The following AK5 variants were observed in gnomAD, a reference collection of about 807,000 sequenced individuals.
AK5 encodes adenylate kinase isoenzyme 5.
A neutral mutation model predicts 69.5 loss-of-function variants in AK5; 27 were observed. That is an observed-to-expected ratio of 0.39 (90% CI 0.29 to 0.54). The LOEUF is 0.54. Ranked by LOEUF, AK5 falls within the 20% of genes least tolerant of loss-of-function variation. The pLI is 0.71. For missense variants in AK5, 531 were observed against 700.4 expected (o/e 0.76, Z 2.73); for synonymous variants, 260 against 244.4 (o/e 1.06, Z -0.60).
At chr1:77,459,860 T>G (rs1169456864) in intron 8 of AK5, among the ~76,000 whole-genome samples, 1 of 152,188 alleles carries the variant, frequency 6.6e-6, no homozygotes, top group Non-Finnish European at 1.5e-5. Context: ...TAGAAAATAG[T>G]TGCTTAACTG....
chr1:77,387,815 T>A (rs569771258), intron 6 of AK5, among the ~76,000 whole-genome samples: 7 of 152,240 alleles, frequency 4.6e-5, no homozygotes, highest in Non-Finnish European at 5.9e-5. Flanking sequence ...GGACTTGGTA[T>A]CTGATTAGTA....
At chr1:77,373,317 C>T (rs1191863559) in intron 6 of AK5, among the ~76,000 whole-genome samples, 1 of 152,174 alleles carries the variant, frequency 6.6e-6, no homozygotes, top group Non-Finnish European at 1.5e-5. Flanking sequence ...AATGCTCTAA[C>T]CGTAAATTCC....
chr1:77,487,024 T>C (rs1655648901), intron 10 of AK5, among the ~76,000 whole-genome samples: 1 of 152,226 alleles, frequency 6.6e-6, no homozygotes, highest in South Asian at 2.1e-4. Flanking sequence ...TGTTCAAATA[T>C]AGCTCAATAG....
In AK5 at chr1:77,446,967, G is replaced by T. The variant is rs564392378; in HGVS notation, c.1059+29252G>T. 7.9e-5 allele frequency among the ~76,000 whole-genome samples: 12 copies of T among 152,350 alleles called. No homozygotes were observed. In the East Asian group the frequency reaches 9.6e-4, roughly 12 times the overall value. Reference sequence around the variant, plus strand: ...CAGCTGGAGCCGGGAAGCTGGAATGGCCGGGTTTGCCTCCCGGCTCTGCAG... The same window carrying T: ...CAGCTGGAGCCGGGAAGCTGGAATGTCCGGGTTTGCCTCCCGGCTCTGCAG... On this transcript the variant is annotated intron_variant, in intron 8 of 13. Coordinates refer to ENST00000354567, the MANE Select transcript of AK5 (RefSeq NM_174858.3).
At chr1:77,289,517 T>C (rs1042501262) in intron 2 of AK5, among the ~76,000 whole-genome samples, 3 of 152,140 alleles carry the variant, frequency 2.0e-5, no homozygotes, top group Admixed American at 2.0e-4. Flanking sequence ...GTATACATTT[T>C]AAAAATTAAA....
Position 77,486,368 on chromosome 1 carries a change from T to C in AK5, c.1147+16T>C, listed in dbSNP as rs1173064153. 1.3e-6 allele frequency: 2 copies of C among 1,568,826 alleles called. No individual in the cohort carries two copies. The highest frequency in any genetic ancestry group is 1.7e-6 in the Non-Finnish European group (2 of 1,143,978). On this transcript the variant is annotated intron_variant, in intron 10 of 13. Coordinates refer to ENST00000354567, the MANE Select transcript of AK5 (RefSeq NM_174858.3). ...TTCATAATTGGTGAGTAACAGCCCT[T>C]GCATTTTCTAACAATACAATTGCTA... is the stretch of plus-strand genomic sequence containing the variant.
intron 1 of AK5, among the ~76,000 whole-genome samples, chr1:77,284,068 A>G (rs1029161505): frequency 6.6e-6 from 1 of 152,236 alleles, no homozygotes; most frequent in African/African-American, 2.4e-5. Flanking sequence ...ACTTTTCTGC[A>G]TATGAATGGG....
rs1659691703 is a variant in AK5, at chr1:77,549,248, T to A, written c.1621-9354T>A. Among the ~76,000 whole-genome samples the A allele has an allele frequency of 2.0e-5, 3 of 152,200 alleles. No homozygotes were observed. In the South Asian group the frequency reaches 6.2e-4, roughly 32 times the overall value. On this transcript the variant is annotated intron_variant, in intron 13 of 13. Coordinates refer to ENST00000354567, the MANE Select transcript of AK5 (RefSeq NM_174858.3). ...CATCACTTACTGTGGGATTTTTATA[T>A]CATGTCTCAGACCAAAAATGGTAAA...
intron 10 of AK5, among the ~76,000 whole-genome samples, chr1:77,502,322 C>A (rs1432708010): frequency 6.6e-6 from 1 of 152,094 alleles, no homozygotes; most frequent in Non-Finnish European, 1.5e-5. Flanking sequence ...GCCCTTATGT[C>A]CTAAGCCCAT....
intron 10 of AK5, among the ~76,000 whole-genome samples, chr1:77,515,201 G>C (rs1197673142): frequency 6.6e-6 from 1 of 152,154 alleles, no homozygotes; most frequent in East Asian, 1.9e-4. Flanking sequence ...TGAGGGGTCT[G>C]ACCTCCTCCC....
chr1:77,452,152 C>G (rs556384310), intron 8 of AK5, among the ~76,000 whole-genome samples: 8 of 152,200 alleles, frequency 5.3e-5, no homozygotes, highest in Non-Finnish European at 7.4e-5. Context: ...CCATTTTTCT[C>G]TCCTGCACAA....
intron 8 of AK5, among the ~76,000 whole-genome samples, chr1:77,459,427 A>C (rs1355386762): frequency 1.3e-5 from 2 of 152,168 alleles, no homozygotes; most frequent in Non-Finnish European, 2.9e-5. Context: ...CCACTACCCC[A>C]GTAGACTGGA....
intron 6 of AK5, among the ~76,000 whole-genome samples, chr1:77,397,400 G>A (rs1316299239): frequency 1.3e-5 from 2 of 152,136 alleles, no homozygotes; most frequent in East Asian, 1.9e-4. Flanking sequence ...GGGCAGAGAC[G>A]TTGCCGTGTT....
intron 6 of AK5, among the ~76,000 whole-genome samples, chr1:77,404,623 C>T (rs1649494996): frequency 6.6e-6 from 1 of 152,084 alleles, no homozygotes; most frequent in Admixed American, 6.5e-5. Context: ...AAAGAAAAGT[C>T]CCATGCCACT....
chr1:77,488,789 G>C (rs899761394), intron 10 of AK5, among the ~76,000 whole-genome samples: 2 of 152,160 alleles, frequency 1.3e-5, no homozygotes, highest in Non-Finnish European at 2.9e-5. Flanking sequence ...GTGCCCACCA[G>C]ATTAAGAGTG....
At chr1:77,310,676 C>T (rs1482110985) in intron 5 of AK5, among the ~76,000 whole-genome samples, 3 of 152,034 alleles carry the variant, frequency 2.0e-5, no homozygotes, top group Non-Finnish European at 4.4e-5. Flanking sequence ...CCACCGCACC[C>T]GGCCCTATTC....
chr1:77,294,123 C>A (rs1346788243), intron 3 of AK5, among the ~76,000 whole-genome samples, 163 bp downstream of exon 3: 1 of 152,104 alleles, frequency 6.6e-6, no homozygotes, highest in Non-Finnish European at 1.5e-5. Flanking sequence ...GTATAAGTTT[C>A]AATAAAATAG....
chr1:77,471,907 C>T (rs1654533265), intron 8 of AK5, among the ~76,000 whole-genome samples: 1 of 152,198 alleles, frequency 6.6e-6, no homozygotes, highest in South Asian at 2.1e-4. Flanking sequence ...TAAGAGAATG[C>T]TGAACTGGAG....
intron 6 of AK5, among the ~76,000 whole-genome samples, chr1:77,381,932 T>C (rs568896718): frequency 6.6e-6 from 1 of 152,226 alleles, no homozygotes; most frequent in African/African-American, 2.4e-5. Flanking sequence ...AAAACTTAAA[T>C]GCATTATTGC....
Sources: gnomAD v4.1 joint callset for allele counts (sites outside exome capture counted in the v4.1 genomes callset) on GRCh38, gnomAD v4.1.1 for gene constraint, MANE v1.5 for transcripts, NCBI Gene and HGNC (gene_info 2026-07-23, HGNC 2026-07-21) for gene names.